Variants in CAVIN1 observed in about 807,000 individuals in gnomAD.
The protein encoded by CAVIN1 is caveolae associated protein 1, also known as caveolae-associated protein 1.
Under a neutral mutation model 24.0 loss-of-function variants are expected in CAVIN1, and 16 were observed. The observed-to-expected ratio is 0.67, with a 90% CI of 0.45 to 1.01. The LOEUF (loss-of-function observed/expected upper bound fraction) is 1.01. CAVIN1 is among the 50% of genes least tolerant of loss of function. The pLI, the probability that CAVIN1 is intolerant of heterozygous loss-of-function variation, is 0.00. For missense variants in CAVIN1, 510 were observed against 551.7 expected, an observed-to-expected ratio of 0.92 and a Z score of 0.76; for synonymous variants, 256 against 256.4, an observed-to-expected ratio of 1.00 and a Z score of 0.02.
intron 1 of CAVIN1, chr17:42,412,028 C>G (rs1015115197): frequency 2.0e-6 from 2 of 985,266 alleles, no homozygotes; most frequent in African/African-American, 3.5e-5. Flanking sequence ...GCCCACAGAA[C>G]GGGATCCGGG....
intron 1 of CAVIN1, among the ~76,000 whole-genome samples, chr17:42,406,857 C>A (rs1288251588): frequency 1.3e-5 from 2 of 152,058 alleles, no homozygotes; most frequent in African/African-American, 4.8e-5. Context: ...GACATGTTTT[C>A]TCCCCAGTCT....
At position 42,422,742 on chromosome 17, in the gene CAVIN1, A is replaced by T. The variant is rs146547678; in HGVS notation, c.356T>A (p.Val119Asp). 2.8e-3 allele frequency: 4,515 copies of T among 1,611,682 alleles called. 9 individuals are homozygous for T. Among genetic ancestry groups the T allele is most frequent in the Non-Finnish European group, 3.3e-3 (3,942 of 1,179,130 alleles). The change falls in exon 1 of 2, where the codon GTC (valine) becomes GAC (aspartate). Residue 119 changes from valine to aspartate, a missense_variant. Val to Asp is a radical substitution (Grantham distance 152). Transcript: ENST00000357037. ...GCTGCCGCGCACGGTCTTCACGTTG[A>T]CGCTGACCTTGCGCACCTTCTCCAG... Reference protein sequence around the residue: ...KLLEKVRKVSVNVKTVRGSLE... With the variant: ...KLLEKVRKVSDNVKTVRGSLE...
chr17:42,404,299 G>T lies in CAVIN1; in HGVS notation c.*388C>A. ...CTTTGAGTCCCCCAGGGATCAGGGT[G>T]AGAATGAAGAAGAGCTCAGTGAGCG... On this transcript the variant is annotated 3_prime_UTR_variant, in exon 2 of 2. Coordinates refer to ENST00000357037, the MANE Select transcript of CAVIN1 (RefSeq NM_012232.6). 5.8e-6 allele frequency: 1 copy of T among 172,642 alleles called. No individual in the cohort carries two copies. 10.7% of individuals were successfully genotyped at this position (172,642 alleles called of 1,614,324 possible).
intron 1 of CAVIN1, among the ~76,000 whole-genome samples, chr17:42,407,407 C>T (rs1168260642): frequency 6.6e-6 from 1 of 152,122 alleles, no homozygotes; most frequent in Non-Finnish European, 1.5e-5. Context: ...CACCCCTATA[C>T]ATAGGCTGCT....
At chr17:42,419,662 C>T (rs1007256182) in intron 1 of CAVIN1, among the ~76,000 whole-genome samples, 2 of 152,140 alleles carry the variant, frequency 1.3e-5, no homozygotes. Flanking sequence ...CTGGCCTGAT[C>T]GTCCTGCAAC....
chr17:42,412,039 A>G, intron 1 of CAVIN1: 11 of 985,238 alleles, frequency 1.1e-5, no homozygotes, highest in Non-Finnish European at 1.3e-5. Flanking sequence ...GGGATCCGGG[A>G]GACCCTAAAC....
chr17:42,412,789 A>G (rs7218488), intron 1 of CAVIN1, among the ~76,000 whole-genome samples: 110,369 of 150,786 alleles, frequency 0.73, 42,996 homozygotes, highest in East Asian at 0.96. Flanking sequence ...AGCTAATTTT[A>G]TACTTTTAGT....
intron 1 of CAVIN1, among the ~76,000 whole-genome samples, chr17:42,405,690 T>TTTTTTTTTTTG (rs2085441690): frequency 1.9e-5 from 1 of 53,122 alleles, no homozygotes; most frequent in African/African-American, 4.1e-5. Flanking sequence ...TTGTTTTTTT[T>TTTTTTTTTTTG]TTTTTTTTTT....
At chr17:42,408,484 G>A (rs1399872175) in intron 1 of CAVIN1, among the ~76,000 whole-genome samples, 1 of 40,188 alleles carries the variant, frequency 2.5e-5, no homozygotes, top group Non-Finnish European at 8.5e-5. Context: ...GGAGGTTTTT[G>A]TTTTTTAGTT....
intron 1 of CAVIN1, among the ~76,000 whole-genome samples, chr17:42,422,355 T>C (rs957290214): frequency 9.9e-5 from 15 of 152,254 alleles, no homozygotes; most frequent in Non-Finnish European, 2.1e-4. Context: ...TGCTACAAGT[T>C]TGGGACCCGA....
At chr17:42,411,753 G>A (rs2085480157) in intron 1 of CAVIN1, 1 of 985,404 alleles carries the variant, frequency 1.0e-6, no homozygotes, top group Non-Finnish European at 1.2e-6. Flanking sequence ...GAAGCCATGC[G>A]CCTTCATGCT....
At position 42,411,592 on chromosome 17, in the gene CAVIN1, C is replaced by T. The variant is rs529735140; in HGVS notation, c.472-6204G>A. On this transcript the variant is annotated intron_variant, in intron 1 of 1. Transcript: ENST00000357037. Reference sequence around the variant, plus strand: ...TTTCTAAAAGAAACTGGAGAAAATACGTGTAAATGTTTTCCTCAGCTGCAG... The same window carrying T: ...TTTCTAAAAGAAACTGGAGAAAATATGTGTAAATGTTTTCCTCAGCTGCAG... The T allele has an allele frequency of 1.6e-5, 16 of 985,282 alleles. No homozygotes were observed. The South Asian group carries it at 2.8e-4, about 17-fold the overall frequency. The allele number at this position is 985,282 out of a possible 1,614,324, so 61.0% of individuals were successfully genotyped here. A position where few individuals can be genotyped will look rare whatever the true frequency, so the allele number is the denominator to read the frequency against.
chr17:42,417,483 T>A (rs1598578486), intron 1 of CAVIN1, among the ~76,000 whole-genome samples: 2 of 147,470 alleles, frequency 1.4e-5, no homozygotes, highest in South Asian at 2.2e-4. Flanking sequence ...AAGATTGTAG[T>A]GGAGATAAAA....
intron 1 of CAVIN1, among the ~76,000 whole-genome samples, chr17:42,413,566 G>GAAAAAAA (rs60085741): frequency 0.026 from 1,430 of 56,052 alleles, 67 homozygotes; most frequent in Non-Finnish European, 0.034. Flanking sequence ...CTCAAAAAGG[G>GAAAAAAA]AAAAAAAAAA....
intron 1 of CAVIN1, chr17:42,412,279 G>A: frequency 1.0e-6 from 1 of 985,186 alleles, no homozygotes; most frequent in Non-Finnish European, 1.2e-6. Context: ...GTTTAAATGG[G>A]GCTTGGGGTG....
chr17:42,408,787 G>A (rs919837987), intron 1 of CAVIN1, among the ~76,000 whole-genome samples: 3 of 142,538 alleles, frequency 2.1e-5, no homozygotes, highest in Admixed American at 7.1e-5. Flanking sequence ...CACCGTGCCC[G>A]GCCTTTTTTT....
intron 1 of CAVIN1, chr17:42,412,385 A>C: frequency 1.8e-6 from 1 of 569,176 alleles, no homozygotes; most frequent in Non-Finnish European, 2.2e-6. Flanking sequence ...ATGGAAATAA[A>C]CCACTTTTTT....
intron 1 of CAVIN1, among the ~76,000 whole-genome samples, chr17:42,406,375 C>CATTTTTTT (rs59023533): frequency 7.1e-6 from 1 of 140,952 alleles, no homozygotes. Context: ...CAAGCTATTT[C>CATTTTTTT]TTTTTTTTTT....
intron 1 of CAVIN1, among the ~76,000 whole-genome samples, chr17:42,405,754 C>T (rs1764132409): frequency 6.8e-6 from 1 of 146,582 alleles, no homozygotes; most frequent in Admixed American, 6.8e-5. Flanking sequence ...TGGGCGCGAT[C>T]TTGGCTCACC....
Sources: gnomAD v4.1 joint callset for allele counts (sites outside exome capture counted in the v4.1 genomes callset) on GRCh38, gnomAD v4.1.1 for gene constraint, MANE v1.5 for transcripts, NCBI Gene and HGNC (gene_info 2026-07-23, HGNC 2026-07-21) for gene names.